The following CFAP69 variants were observed in gnomAD, a reference collection of about 807,000 sequenced individuals.
CFAP69 encodes the protein cilia- and flagella-associated protein 69.
A neutral mutation model predicts 123.0 loss-of-function variants in CFAP69; 92 were observed. That is an observed-to-expected ratio of 0.75 (90% CI 0.63 to 0.89). The LOEUF (loss-of-function observed/expected upper bound fraction) is 0.89, where lower values mean the gene tolerates loss of function less well. Ranked by LOEUF, CFAP69 falls within the 40% of genes least tolerant of loss-of-function variation. The pLI is 0.00. For missense variants in CFAP69, 1,067 were observed against 1,096.9 expected (o/e 0.97, Z 0.39); for synonymous variants, 380 against 364.3 (o/e 1.04, Z -0.49).
At chr7:90,269,613 ATC>A (rs1348024033) in intron 6 of CFAP69, among the ~76,000 whole-genome samples, 1 of 152,172 alleles carries the variant, frequency 6.6e-6, no homozygotes. Context: ...TTGTAGTTAA[ATC>A]TTTGACAGAT....
At chr7:90,312,399 A>G (rs1794413655), downstream of CFAP69, 1 of 152,234 alleles carries the variant, frequency 6.6e-6, no homozygotes, top group African/African-American at 2.4e-5. Flanking sequence ...TAGTACAACT[A>G]AATGTCTCAG....
chr7:90,268,633 T>C (rs1474391919), intron 6 of CFAP69, among the ~76,000 whole-genome samples: 1 of 152,174 alleles, frequency 6.6e-6, no homozygotes, highest in Non-Finnish European at 1.5e-5. Flanking sequence ...CAATTTAGTT[T>C]ATTAATAATT....
Position 90,273,978 on chromosome 7 carries a change from A to C in CFAP69, c.861-9A>C. 1 of 1,566,470 alleles carries C rather than the reference A, an allele frequency of 6.4e-7. No individual in the cohort carries two copies. Among genetic ancestry groups the C allele is most frequent in the Non-Finnish European group, 8.6e-7 (1 of 1,158,110 alleles). On this transcript the variant is annotated splice_polypyrimidine_tract_variant and intron_variant, in intron 8 of 22. Transcript: ENST00000389297. ...AATATAGTTTTTAAAATATGATTTT[A>C]CTTTCTAGGGCTTTGAAGGAAGTAT...
chr7:90,270,578 A>C (rs1799803584), intron 6 of CFAP69, among the ~76,000 whole-genome samples: 1 of 152,134 alleles, frequency 6.6e-6, no homozygotes, highest in South Asian at 2.1e-4. Context: ...ATATCATAGA[A>C]AGCTCATCAC....
In CFAP69 at chr7:90,282,743, G is replaced by C. The variant is rs28947507; in HGVS notation, c.1373-149G>C. On this transcript the variant is annotated intron_variant, in intron 12 of 22. Transcript: ENST00000389297. ...TTCTGAGAATAGTAAGAGGGAAAAG[G>C]GATAATATTTTATTTCTCTAAAAAA... is the stretch of plus-strand genomic sequence containing the variant. 3.9e-4 allele frequency: 208 copies of C among 537,832 alleles called. 3 individuals are homozygous for C. The East Asian group carries it at 7.3e-3, about 19-fold the overall frequency. The allele number at this position is 537,832 out of a possible 1,614,324, so 33.3% of individuals were successfully genotyped here.
At chr7:90,258,033 A>G (rs935165366) in intron 2 of CFAP69, 65 bp from the exon 3 acceptor site, 14 of 1,113,182 alleles carry the variant, frequency 1.3e-5, no homozygotes, top group Non-Finnish European at 1.7e-5. Context: ...TTTATGTTGA[A>G]GAATTTTTTA....
intron 11 of CFAP69, among the ~76,000 whole-genome samples, 196 bp from the exon 12 acceptor site, chr7:90,279,481 C>A (rs1789113625): frequency 6.6e-6 from 1 of 150,934 alleles, no homozygotes; most frequent in African/African-American, 2.4e-5. Context: ...GGAGTACATA[C>A]CTCAGAAAAG....
downstream of CFAP69, among the ~76,000 whole-genome samples, chr7:90,315,209 A>G (rs1794690747): frequency 6.6e-6 from 1 of 152,140 alleles, no homozygotes; most frequent in African/African-American, 2.4e-5. Flanking sequence ...TTCCTCAAAG[A>G]GCTAAAAACA....
chr7:90,306,189 T>C (rs1199736971), intron 19 of CFAP69, among the ~76,000 whole-genome samples: 1 of 152,042 alleles, frequency 6.6e-6, no homozygotes, highest in African/African-American at 2.4e-5. Flanking sequence ...TAGGCTCAAG[T>C]GATCCACCCA....
intron 4 of CFAP69, among the ~76,000 whole-genome samples, chr7:90,264,105 AT>A (rs1165988516): frequency 0.45 from 32,181 of 71,040 alleles, 9,617 homozygotes; most frequent in East Asian, 0.58. Flanking sequence ...AAAAAAAAAA[AT>A]ATATATATAT....
chr7:90,301,870 G>A (rs1792864590), intron 17 of CFAP69: 1 of 152,176 alleles, frequency 6.6e-6, no homozygotes, highest in East Asian at 1.9e-4. Context: ...TCGAATAGTA[G>A]TTCTGTTTTT....
chr7:90,246,030 G>T (rs889738219), intron 1 of CFAP69, among the ~76,000 whole-genome samples: 2 of 152,170 alleles, frequency 1.3e-5, no homozygotes, highest in Non-Finnish European at 2.9e-5. Flanking sequence ...GGAGGAAAAC[G>T]CTGTTAAATT....
chr7:90,316,895 A>C, the CFAP69 span: 2 of 152,224 alleles, frequency 1.3e-5, no homozygotes, highest in Non-Finnish European at 2.9e-5. Context: ...TGAGTGATTG[A>C]GGACAACTGG....
intron 13 of CFAP69, among the ~76,000 whole-genome samples, chr7:90,284,902 C>T (rs976612285): frequency 6.6e-6 from 1 of 152,096 alleles, no homozygotes; most frequent in Non-Finnish European, 1.5e-5. Context: ...CCTCTTAAGG[C>T]ATGGAGAGCC....
rs965946542 is a variant in CFAP69 at position 90,306,122 on chromosome 7, G to A, written c.2266-779G>A. 3.8e-4 allele frequency among the ~76,000 whole-genome samples: 57 copies of A among 149,612 alleles called. 1 individual carries two copies. The highest frequency in any genetic ancestry group is 3.2e-3 in the Middle Eastern group (1 of 314). ...CATACCCAGCTTTTTATTGGGGGGG[G>A]GCGGGGCGGGGTAGAGACAAGGTCT... On this transcript the variant is annotated intron_variant, in intron 19 of 22. Transcript: ENST00000389297.
chr7:90,278,971 A>T (rs79332785), intron 11 of CFAP69, among the ~76,000 whole-genome samples: 1,773 of 152,278 alleles, frequency 0.012, 35 homozygotes, highest in African/African-American at 0.039. Flanking sequence ...TAAATATAGC[A>T]TATGGTGTTT....
At chr7:90,250,002 C>T (rs1363836271) in intron 1 of CFAP69, among the ~76,000 whole-genome samples, 1 of 152,140 alleles carries the variant, frequency 6.6e-6, no homozygotes, top group Non-Finnish European at 1.5e-5. Flanking sequence ...GTAATACTTC[C>T]ATGAACTGTG....
intron 13 of CFAP69, 71 bp downstream of exon 13, chr7:90,283,127 T>C: frequency 8.4e-7 from 1 of 1,196,096 alleles, no homozygotes; most frequent in Non-Finnish European, 1.1e-6. Flanking sequence ...GTTTGAAATG[T>C]TTTTCCAAAA....
intron 16 of CFAP69, among the ~76,000 whole-genome samples, chr7:90,299,542 A>G (rs1792459415): frequency 6.6e-6 from 1 of 152,180 alleles, no homozygotes; most frequent in African/African-American, 2.4e-5. Flanking sequence ...GTATAACACT[A>G]TCGAGCTTCG....
Sources: allele counts gnomAD v4.1 joint callset (sites outside exome capture counted in the v4.1 genomes callset), GRCh38; gene constraint gnomAD v4.1.1; transcripts MANE v1.5; gene names NCBI Gene and HGNC (gene_info 2026-07-23, HGNC 2026-07-21).